The following CDKAL1 variants were observed in gnomAD, a reference collection of about 807,000 sequenced individuals.
CDKAL1 encodes the protein threonylcarbamoyladenosine tRNA methylthiotransferase.
Under a neutral mutation model 68.2 loss-of-function variants are expected in CDKAL1, and 32 were observed. The ratio of observed to expected loss-of-function variants is 0.47; its 90% CI spans 0.35 to 0.63. The LOEUF (loss-of-function observed/expected upper bound fraction) is 0.63, where lower values mean the gene tolerates loss of function less well. CDKAL1 is among the 30% of genes least tolerant of loss of function. The pLI is 0.00. For missense variants in CDKAL1, 606 were observed against 696.7 expected (o/e 0.87, Z 1.47); for synonymous variants, 234 against 244.3 (o/e 0.96, Z 0.39).
At chr6:20,896,164 G>C (rs533641018) in intron 9 of CDKAL1, among the ~76,000 whole-genome samples, 78 of 140,418 alleles carry the variant, frequency 5.6e-4, no homozygotes, top group Non-Finnish European at 7.8e-4. Context: ...GCAGTGGCGC[G>C]ATCTTGGCTC....
At chr6:21,230,152 A>G (rs1405551384) in intron 15 of CDKAL1, among the ~76,000 whole-genome samples, 1 of 151,996 alleles carries the variant, frequency 6.6e-6, no homozygotes, top group Non-Finnish European at 1.5e-5. Flanking sequence ...CATGGCTTCC[A>G]TGGTTGTTGG....
intron 7 of CDKAL1, among the ~76,000 whole-genome samples, chr6:20,772,236 T>G (rs1301717741): frequency 3.9e-5 from 6 of 152,232 alleles, no homozygotes; most frequent in Non-Finnish European, 8.8e-5. Flanking sequence ...GCTTTATTGC[T>G]GTAAATATCA....
rs577212277 is a variant in CDKAL1 at position 20,607,154 on chromosome 6, AAAG to A, written c.287-42136_287-42134del. Among the ~76,000 whole-genome samples, 132 of 152,316 alleles carry A rather than the reference AAAG, an allele frequency of 8.7e-4. 1 individual carries two copies. The highest frequency in any genetic ancestry group is 3.0e-3 in the African/African-American group (125 of 41,578). ...TTCTTTCCTTGAGTAAAAGGGCAAA[AAAG>A]AAAGAACGTAAAGTAGTTTTTAGAA... On this transcript the variant is annotated intron_variant, in intron 4 of 15. Transcript: ENST00000274695.
intron 13 of CDKAL1, among the ~76,000 whole-genome samples, chr6:21,190,078 TCA>T (rs1778173028): frequency 6.6e-6 from 1 of 152,054 alleles, no homozygotes; most frequent in Non-Finnish European, 1.5e-5. Flanking sequence ...AAATATTATT[TCA>T]GAGTTGAAGG....
At chr6:20,833,320 T>C (rs1777795415) in intron 8 of CDKAL1, among the ~76,000 whole-genome samples, 1 of 152,200 alleles carries the variant, frequency 6.6e-6, no homozygotes, top group African/African-American at 2.4e-5. Flanking sequence ...CAACATGCAC[T>C]GTAGTTCGCA....
chr6:21,110,964 G>A (rs565289321), intron 13 of CDKAL1, among the ~76,000 whole-genome samples: 12 of 151,688 alleles, frequency 7.9e-5, no homozygotes, highest in East Asian at 3.9e-4. Context: ...GCAAGACCCC[G>A]TCTCTAAAAG....
intron 13 of CDKAL1, among the ~76,000 whole-genome samples, chr6:21,112,720 T>C (rs780831261): frequency 6.6e-6 from 1 of 152,250 alleles, no homozygotes; most frequent in Non-Finnish European, 1.5e-5. Flanking sequence ...ATGCACTTGA[T>C]AAGTTAGCCT....
intron 13 of CDKAL1, among the ~76,000 whole-genome samples, chr6:21,141,793 G>T (rs1775927164): frequency 6.6e-6 from 1 of 152,110 alleles, no homozygotes; most frequent in African/African-American, 2.4e-5. Flanking sequence ...GTAGTAGGAG[G>T]GACCCAGCCA....
intron 10 of CDKAL1, among the ~76,000 whole-genome samples, chr6:20,987,223 T>C (rs1766516541): frequency 6.6e-6 from 1 of 152,134 alleles, no homozygotes; most frequent in South Asian, 2.1e-4. Context: ...ACCATTTTTA[T>C]TTATTAAACC....
At chr6:20,667,773 A>C (rs1268820053) in intron 5 of CDKAL1, among the ~76,000 whole-genome samples, 1 of 152,128 alleles carries the variant, frequency 6.6e-6, no homozygotes, top group African/African-American at 2.4e-5. Context: ...GGTAAATTTT[A>C]AATCATTTTA....
At chr6:21,089,314 A>C (rs1229823169) in intron 12 of CDKAL1, among the ~76,000 whole-genome samples, 1 of 151,920 alleles carries the variant, frequency 6.6e-6, no homozygotes, top group Admixed American at 6.6e-5. Flanking sequence ...CTGTCTCTAC[A>C]AAAAATAAAA....
intron 13 of CDKAL1, among the ~76,000 whole-genome samples, chr6:21,159,969 T>C (rs1022127361): frequency 3.9e-5 from 6 of 152,220 alleles, no homozygotes; most frequent in African/African-American, 1.4e-4. Context: ...GGCCTGATTA[T>C]TTTCATATCA....
chr6:20,991,008 G>A (rs1766760911), intron 10 of CDKAL1, among the ~76,000 whole-genome samples: 1 of 152,202 alleles, frequency 6.6e-6, no homozygotes, highest in South Asian at 2.1e-4. Context: ...AGATATACCT[G>A]TGGGATATGA....
chr6:21,188,954 C>T (rs892469555), intron 13 of CDKAL1, among the ~76,000 whole-genome samples: 3 of 152,144 alleles, frequency 2.0e-5, no homozygotes, highest in Admixed American at 6.5e-5. Flanking sequence ...GGATCCCTGA[C>T]GCCAGGCAGG....
Position 20,846,139 on chromosome 6 carries a change from A to G in CDKAL1, c.703A>G (p.Ile235Val). The G allele has an allele frequency of 1.2e-6, 2 of 1,612,990 alleles. No individual in the cohort carries two copies. Among genetic ancestry groups the G allele is most frequent in the Non-Finnish European group, 1.7e-6 (2 of 1,179,178 alleles). The change falls in exon 9 of 16, where the codon ATT becomes GTT. Residue 235 changes from isoleucine (I) to valine (V), a missense_variant. Physicochemically the swap from Ile to Val is conservative, Grantham distance 29 (BLOSUM62 3). Coordinates refer to ENST00000274695, the MANE Select transcript of CDKAL1 (RefSeq NM_017774.3). ...HARGNLASYP[I>V]DELVDRAKQS... ...CAGAGGAAATTTGGCCAGTTATCCA[A>G]TTGATGAACTAGTAGATAGAGCCAA...
At chr6:20,737,197 C>T (rs1347205614) in intron 5 of CDKAL1, among the ~76,000 whole-genome samples, 1 of 152,212 alleles carries the variant, frequency 6.6e-6, no homozygotes, top group East Asian at 1.9e-4. Context: ...TAAAAATCCT[C>T]CTAGATTTCC....
chr6:21,214,870 G>T (rs1779284476), intron 15 of CDKAL1, among the ~76,000 whole-genome samples: 1 of 129,244 alleles, frequency 7.7e-6, no homozygotes, highest in African/African-American at 2.8e-5. Context: ...GTAAACGTCT[G>T]TTGGATGAAT....
At chr6:20,919,440 G>T (rs1307069775) in intron 9 of CDKAL1, among the ~76,000 whole-genome samples, 1 of 152,098 alleles carries the variant, frequency 6.6e-6, no homozygotes, top group African/African-American at 2.4e-5. Flanking sequence ...ATGCAGTTTT[G>T]TTACATAGGT....
intron 10 of CDKAL1, among the ~76,000 whole-genome samples, chr6:20,978,371 T>C (rs1765951161): frequency 6.6e-6 from 1 of 152,218 alleles, no homozygotes; most frequent in Non-Finnish European, 1.5e-5. Context: ...GCTGTTTCTG[T>C]TATGATTAAA....
Sources: allele counts gnomAD v4.1 joint callset (sites outside exome capture counted in the v4.1 genomes callset), GRCh38; gene constraint gnomAD v4.1.1; transcripts MANE v1.5; gene names NCBI Gene and HGNC (gene_info 2026-07-23, HGNC 2026-07-21).